Variants in ANKRD55 observed in about 807,000 individuals in gnomAD.
ANKRD55 encodes ankyrin repeat domain 55.
Under a neutral mutation model 60.6 loss-of-function variants are expected in ANKRD55, and 41 were observed. The ratio of observed to expected loss-of-function variants is 0.68; its 90% CI spans 0.53 to 0.88. ANKRD55 has a LOEUF of 0.88. Ranked by LOEUF, ANKRD55 falls within the 40% of genes least tolerant of loss-of-function variation. The pLI, the probability that ANKRD55 is intolerant of heterozygous loss-of-function variation, is 0.00. For missense variants in ANKRD55, 732 were observed against 767.6 expected, an observed-to-expected ratio of 0.95 and a Z score of 0.55; for synonymous variants, 264 against 290.3, an observed-to-expected ratio of 0.91 and a Z score of 0.92.
At chr5:56,196,674 C>T (rs1277157781) in intron 2 of ANKRD55, among the ~76,000 whole-genome samples, 1 of 152,154 alleles carries the variant, frequency 6.6e-6, no homozygotes, top group African/African-American at 2.4e-5. Context: ...TGATATATGA[C>T]ATCTGATACA....
At chr5:56,182,854 C>T (rs891538831) in intron 3 of ANKRD55, among the ~76,000 whole-genome samples, 1 of 152,194 alleles carries the variant, frequency 6.6e-6, no homozygotes, top group Admixed American at 6.5e-5. Context: ...TGGTGTTTGG[C>T]TGGAGTAGGG....
intron 2 of ANKRD55, among the ~76,000 whole-genome samples, chr5:56,199,044 C>G (rs551082189): frequency 1.3e-5 from 2 of 151,990 alleles, no homozygotes; most frequent in African/African-American, 4.8e-5. Context: ...CGCGCCACTG[C>G]ACTCCAGCCT....
At chr5:56,190,668 G>A (rs1312258988) in intron 2 of ANKRD55, among the ~76,000 whole-genome samples, 1 of 152,106 alleles carries the variant, frequency 6.6e-6, no homozygotes, top group Non-Finnish European at 1.5e-5. Flanking sequence ...TGGTTCTTGA[G>A]GCCAGGAAGT....
At chr5:56,143,033 C>T (rs1322124791) in intron 7 of ANKRD55, among the ~76,000 whole-genome samples, 6 of 152,160 alleles carry the variant, frequency 3.9e-5, no homozygotes, top group African/African-American at 1.4e-4. Flanking sequence ...ACTGAAACCA[C>T]AGTCAGGGCA....
At chr5:56,176,129 C>T in intron 4 of ANKRD55, 23 bp downstream of exon 4, 1 of 1,613,974 alleles carries the variant, frequency 6.2e-7, no homozygotes, top group Non-Finnish European at 8.5e-7. Flanking sequence ...TCCTTCCACC[C>T]TGTGACAGGC....
At chr5:56,190,590 G>A (rs921822585) in intron 2 of ANKRD55, among the ~76,000 whole-genome samples, 4 of 152,086 alleles carry the variant, frequency 2.6e-5, no homozygotes, top group Non-Finnish European at 1.5e-5. Flanking sequence ...TATTGTCTTA[G>A]TCTGTTTCCT....
chr5:56,191,874 G>A (rs939556458), intron 2 of ANKRD55, among the ~76,000 whole-genome samples: 14 of 152,112 alleles, frequency 9.2e-5, no homozygotes, highest in African/African-American at 3.1e-4. Context: ...TCTAAGTTGC[G>A]GTCAATGCAA....
Position 56,173,570 on chromosome 5 carries a change from C to A in ANKRD55, c.312+2582G>T, listed in dbSNP as rs1416865768. ...TCTCTCTCTCTCTCTCTCTCTCTCT[C>A]TCTCTCTCTCTCTATATATATATAT... On this transcript the variant is annotated intron_variant, in intron 4 of 11. Transcript: ENST00000341048. Among the ~76,000 whole-genome samples, 269 of 110,824 alleles carry A rather than the reference C, an allele frequency of 2.4e-3. 1 individual carries two copies. Among genetic ancestry groups the A allele is most frequent in the East Asian group, 8.4e-3 (31 of 3,670 alleles). The allele number at this position is 110,824 out of a possible 152,430, so 72.7% of individuals were successfully genotyped here. A position where few individuals can be genotyped will look rare whatever the true frequency, so the allele number is the denominator to read the frequency against.
rs530890405 is a variant in ANKRD55, at chr5:56,137,993, G to A, written c.612+5808C>T. Among the ~76,000 whole-genome samples the A allele has an allele frequency of 6.6e-5, 10 of 152,274 alleles. No homozygotes were observed. In the South Asian group the frequency reaches 2.1e-3, roughly 32 times the overall value. ...ATGAGATACCACAGTGCATTGATTA[G>A]GAAGGCTAAAATCCAGAACACTGAC... On this transcript the variant is annotated intron_variant, in intron 7 of 11. Transcript: ENST00000341048.
intron 5 of ANKRD55, among the ~76,000 whole-genome samples, chr5:56,166,199 T>TTCCTTCCTTCTC (rs769664867): frequency 0.026 from 2,468 of 96,094 alleles, 282 homozygotes; most frequent in African/African-American, 0.091. Context: ...CCTTCCTTCC[T>TTCCTTCCTTCTC]TCTCTCTCTC....
rs66547356 is a variant in ANKRD55, at chr5:56,183,466, A to T, written c.181+46T>A. On this transcript the variant is annotated intron_variant, in intron 3 of 11. Coordinates refer to ENST00000341048, the MANE Select transcript of ANKRD55 (RefSeq NM_024669.3). ...CTCATGTCTGAAGGCCATCTCTAAA[A>T]AAATAGAGCAGAACATTCTGGATTC... 346 of 1,606,856 alleles carry T rather than the reference A, an allele frequency of 2.2e-4. No individual in the cohort carries two copies. In the African/African-American group the frequency reaches 4.2e-3, roughly 20 times the overall value.
At chr5:56,100,460 T>C (rs566868408) in intron 11 of ANKRD55, among the ~76,000 whole-genome samples, 156 bp from the exon 12 acceptor site, 29 of 152,292 alleles carry the variant, frequency 1.9e-4, no homozygotes, top group Middle Eastern at 6.8e-3. Context: ...ATGTATATCT[T>C]GTATATATAT....
chr5:56,193,978 C>G (rs1309422691), intron 2 of ANKRD55, among the ~76,000 whole-genome samples: 1 of 152,070 alleles, frequency 6.6e-6, no homozygotes, highest in Admixed American at 6.6e-5. Context: ...ATTGAATTTG[C>G]TAAAACTACA....
chr5:56,231,625 G>A (rs535136772), intron 2 of ANKRD55, among the ~76,000 whole-genome samples: 1 of 149,644 alleles, frequency 6.7e-6, no homozygotes, highest in Admixed American at 6.7e-5. Context: ...ATCCAAACAC[G>A]GTATGAGCCG....
chr5:56,185,148 G>A (rs1758940217), intron 2 of ANKRD55, among the ~76,000 whole-genome samples: 1 of 151,794 alleles, frequency 6.6e-6, no homozygotes, highest in Non-Finnish European at 1.5e-5. Context: ...GCTTGAACCC[G>A]GGAGGCAGAG....
intron 2 of ANKRD55, among the ~76,000 whole-genome samples, chr5:56,221,176 C>G (rs1229816730): frequency 4.6e-5 from 7 of 152,180 alleles, no homozygotes; most frequent in Admixed American, 3.3e-4. Flanking sequence ...CCTATGCTTG[C>G]CTTTCAAAAC....
chr5:56,111,559 G>A lies in ANKRD55; in HGVS notation c.1189C>T (p.Pro397Ser), dbSNP rs781544260. 5 of 1,612,158 alleles carry A rather than the reference G, an allele frequency of 3.1e-6. No individual in the cohort carries two copies. Among genetic ancestry groups the A allele is most frequent in the Non-Finnish European group, 4.2e-6 (5 of 1,179,384 alleles). Residue 397 changes from proline (P) to serine (S), a missense_variant, in exon 10 of 12, where the codon CCT (proline) becomes TCT (serine). Pro to Ser is a moderately conservative substitution (Grantham distance 74). Around this residue, in one of 3 missense-constraint regions of ANKRD55, gnomAD observed 597 missense variants for 607.5 expected, o/e 0.98. Coordinates refer to ENST00000341048, the MANE Select transcript of ANKRD55 (RefSeq NM_024669.3). ...TCAACCATAGCCACCTGATCACCAG[G>A]CTGTTCTTGGCAGTTGGTACCCACG... ...SIVGTNCQEQ[P>S]GDQVAMVEFK...
chr5:56,139,416 G>A (rs891335061), intron 7 of ANKRD55, among the ~76,000 whole-genome samples: 1 of 152,188 alleles, frequency 6.6e-6, no homozygotes, highest in African/African-American at 2.4e-5. Flanking sequence ...AGTTCTAGAA[G>A]TAACGTGGAG....
chr5:56,116,956 G>A (rs1756905201), intron 8 of ANKRD55, 174 bp from the exon 9 acceptor site: 3 of 602,226 alleles, frequency 5.0e-6, no homozygotes, highest in African/African-American at 3.9e-5. Flanking sequence ...GTGGACATGT[G>A]TAGGGGCCTC....
Sources: allele counts gnomAD v4.1 joint callset (sites outside exome capture counted in the v4.1 genomes callset), GRCh38; gene constraint gnomAD v4.1.1; regional missense constraint gnomAD v4.1.1; transcripts MANE v1.5; gene names NCBI Gene and HGNC (gene_info 2026-07-23, HGNC 2026-07-21).